Variants in KIAA1217 observed in about 807,000 individuals in gnomAD.
KIAA1217 encodes the protein KIAA1217.
A neutral mutation model predicts 163.9 loss-of-function variants in KIAA1217; 88 were observed. The observed-to-expected ratio is 0.54, with a 90% CI of 0.45 to 0.64. The LOEUF (loss-of-function observed/expected upper bound fraction) is 0.64. Ranked by LOEUF, KIAA1217 falls within the 30% of genes least tolerant of loss-of-function variation. KIAA1217 has a pLI of 0.00. For missense variants in KIAA1217, 2,372 were observed against 2,475.0 expected (o/e 0.96, Z 0.88); for synonymous variants, 903 against 923.1 (o/e 0.98, Z 0.39).
At chr10:23,715,318 C>T (rs1837498045) in intron 1 of KIAA1217, among the ~76,000 whole-genome samples, 1 of 152,080 alleles carries the variant, frequency 6.6e-6, no homozygotes, top group Non-Finnish European at 1.5e-5. Flanking sequence ...TCATTTTTAT[C>T]CCTTTGGTGT....
chr10:24,004,078 C>T lies in KIAA1217; in HGVS notation c.-320-3147C>T, dbSNP rs184520193. On this transcript the variant is annotated intron_variant, in intron 1 of 18. Coordinates refer to the KIAA1217 transcript ENST00000376462. ...CACTGCAAACTCGGCTTCCCGGTTC[C>T]AAGCGATTCTCCTGCCTCAGCCTCC... Among the ~76,000 whole-genome samples the T allele has an allele frequency of 8.8e-3, 1,347 of 152,210 alleles. 26 individuals are homozygous for T. The highest frequency in any genetic ancestry group is 0.03 in the African/African-American group (1,244 of 41,512).
chr10:23,824,358 G>A (rs376530486), intron 1 of KIAA1217, among the ~76,000 whole-genome samples: 2 of 151,634 alleles, frequency 1.3e-5, no homozygotes, highest in African/African-American at 4.8e-5. Flanking sequence ...GGCCGGGCGC[G>A]GTGGCTCACG....
Position 23,755,219 on chromosome 10 carries a change from A to G in KIAA1217, c.-321+59985A>G, listed in dbSNP as rs1209027683. Among the ~76,000 whole-genome samples, 24 of 152,194 alleles carry G rather than the reference A, an allele frequency of 1.6e-4. 1 individual carries two copies. Among genetic ancestry groups the G allele is most frequent in the Admixed American group, 1.6e-3 (24 of 15,282 alleles). ...AAAAGTTTGGAAGAGAAGATAACTTAGATCTTTGGAGCTTATTGAGAGAAA... is the reference window on the plus strand; with the variant it reads ...AAAAGTTTGGAAGAGAAGATAACTTGGATCTTTGGAGCTTATTGAGAGAAA... On this transcript the variant is annotated intron_variant, in intron 1 of 18. Transcript: ENST00000376462.
chr10:24,509,989 G>A (rs939658554), intron 9 of KIAA1217, among the ~76,000 whole-genome samples: 2 of 152,066 alleles, frequency 1.3e-5, no homozygotes, highest in East Asian at 3.9e-4. Context: ...GAAGAGGAAG[G>A]AAATCTACAT....
In KIAA1217 at chr10:24,544,407, C is replaced by T. The variant is rs1250662005; in HGVS notation, c.5137C>T (p.Arg1713Ter). Residue 1713 changes from arginine to a stop codon, truncating the protein, a stop_gained, in exon 19 of 21, where the codon CGA becomes TGA. Transcript: ENST00000376454. LOFTEE classifies it high-confidence loss of function. Reference sequence around the variant, plus strand: ...CCACATAGCCCAAGAGGCCTCTCCCCGACCCTTGCTAGTTCCGGATGAAGG... The same window carrying T: ...CCACATAGCCCAAGAGGCCTCTCCCTGACCCTTGCTAGTTCCGGATGAAGG... ...SSHIAQEASP[R>*]PLLVPDEGPT... The T allele has an allele frequency of 2.5e-6, 4 of 1,614,122 alleles. No individual in the cohort carries two copies. The highest frequency in any genetic ancestry group is 1.3e-5 in the African/African-American group (1 of 75,018).
Position 24,494,579 on chromosome 10 carries a change from A to G in KIAA1217, c.1759A>G (p.Thr587Ala). ...VQSALFKGPI[T>A]SYSKDASSEK... is the part of the protein sequence containing the mutation. ...GTCTGCGCTTTTTAAAGGGCCCATTACAAGTTATAGCAAAGATGCGTCTAG... is the reference window on the plus strand; with the variant it reads ...GTCTGCGCTTTTTAAAGGGCCCATTGCAAGTTATAGCAAAGATGCGTCTAG... The change falls in exon 7 of 21, where the codon ACA becomes GCA. Residue 587 changes from threonine to alanine, a missense_variant. By Grantham distance (58) the Thr-to-Ala change is moderately conservative (BLOSUM62 0). This residue lies in a region of KIAA1217 where 1,431 missense variants were observed against 1,470.3 expected (regional missense o/e 0.97). Coordinates refer to ENST00000376454, the MANE Select transcript of KIAA1217 (RefSeq NM_019590.5). 6.2e-7 allele frequency: 1 copy of G among 1,613,360 alleles called. No individual in the cohort carries two copies. The highest frequency in any genetic ancestry group is 8.5e-7 in the Non-Finnish European group (1 of 1,179,488).
At chr10:23,898,335 A>G (rs1841799214) in intron 1 of KIAA1217, among the ~76,000 whole-genome samples, 1 of 151,642 alleles carries the variant, frequency 6.6e-6, no homozygotes, top group Admixed American at 6.6e-5. Flanking sequence ...ACATATATAT[A>G]ATATATATTT....
chr10:23,703,370 C>T (rs916721963), intron 1 of KIAA1217, among the ~76,000 whole-genome samples: 1 of 152,152 alleles, frequency 6.6e-6, no homozygotes, highest in Admixed American at 6.5e-5. Context: ...TAGCTTTATA[C>T]CATGGCGTCC....
At chr10:24,272,897 A>G (rs964598029) in intron 2 of KIAA1217, among the ~76,000 whole-genome samples, 3 of 152,148 alleles carry the variant, frequency 2.0e-5, no homozygotes, top group African/African-American at 7.2e-5. Flanking sequence ...AAAAGAGCAA[A>G]CGTGGAATAG....
At chr10:23,697,273 G>C (rs1397721150) in intron 1 of KIAA1217, among the ~76,000 whole-genome samples, 3 of 152,166 alleles carry the variant, frequency 2.0e-5, no homozygotes, top group Non-Finnish European at 2.9e-5. Flanking sequence ...AGGATTATAA[G>C]AATTCCTTCA....
chr10:23,914,617 T>C (rs1490861315), intron 1 of KIAA1217, among the ~76,000 whole-genome samples: 3 of 152,072 alleles, frequency 2.0e-5, no homozygotes, highest in African/African-American at 7.2e-5. Flanking sequence ...GGTGGGCTGG[T>C]TCAAAATTTT....
At chr10:24,290,043 C>T (rs992943586) in intron 2 of KIAA1217, among the ~76,000 whole-genome samples, 1 of 152,096 alleles carries the variant, frequency 6.6e-6, no homozygotes, top group African/African-American at 2.4e-5. Context: ...ATACTAAGCT[C>T]CAAGGTATGG....
chr10:23,855,103 C>G (rs1206398864), intron 1 of KIAA1217, among the ~76,000 whole-genome samples: 1 of 152,152 alleles, frequency 6.6e-6, no homozygotes, highest in Admixed American at 6.5e-5. Flanking sequence ...CAGTTTCTTC[C>G]TAGCCTCGAT....
chr10:23,742,586 A>T (rs1839180828), intron 1 of KIAA1217, among the ~76,000 whole-genome samples: 1 of 152,016 alleles, frequency 6.6e-6, no homozygotes, highest in South Asian at 2.1e-4. Context: ...GTGGAGGGGG[A>T]GGTGCCACAC....
At chr10:24,068,133 G>T (rs148206342) in intron 2 of KIAA1217, among the ~76,000 whole-genome samples, 2,934 of 152,268 alleles carry the variant, frequency 0.019, 99 homozygotes, top group African/African-American at 0.067. Flanking sequence ...CATGCATGGT[G>T]CACTGCACCC....
At position 23,868,116 on chromosome 10, in the gene KIAA1217, C is replaced by A. The variant is rs187770667; in HGVS notation, c.-320-139109C>A. Among the ~76,000 whole-genome samples the A allele has an allele frequency of 8.0e-4, 122 of 152,190 alleles. 1 individual carries two copies. The highest frequency in any genetic ancestry group is 2.9e-3 in the African/African-American group (121 of 41,524). On this transcript the variant is annotated intron_variant, in intron 1 of 18. Coordinates refer to the KIAA1217 transcript ENST00000376462. ...GTCTACGGCCATACCACCCTGAATG[C>A]GCCCGATCTCGTCTGATCTCAGGAC...
At chr10:23,840,734 A>G (rs1304012732) in intron 1 of KIAA1217, among the ~76,000 whole-genome samples, 1 of 152,214 alleles carries the variant, frequency 6.6e-6, no homozygotes. Context: ...AAGTTACAGT[A>G]CATTCTCCCG....
chr10:24,494,503 G>A lies in KIAA1217; in HGVS notation c.1683G>A (p.Glu561=). ...AAACAATTCTCTTGTTTTACAGAGA[G>A]AGGATGCAAGCCATGGAGAAACAGA... ...ATIPKDRETR[E]RMQAMEKQIA... is the part of the protein sequence containing the mutation. The change falls in exon 7 of 21, where the codon GAG becomes GAA. Residue 561 remains glutamate, a synonymous_variant. Transcript: ENST00000376454. The A allele has an allele frequency of 6.2e-7, 1 of 1,611,756 alleles. No individual in the cohort carries two copies. Among genetic ancestry groups the A allele is most frequent in the Non-Finnish European group, 8.5e-7 (1 of 1,178,700 alleles).
intron 1 of KIAA1217, among the ~76,000 whole-genome samples, chr10:23,935,620 C>A (rs1265959348): frequency 6.6e-6 from 1 of 152,048 alleles, no homozygotes; most frequent in Non-Finnish European, 1.5e-5. Flanking sequence ...GGAAGTGAGA[C>A]TTCAGAGACA....
Sources: gnomAD v4.1 joint callset for allele counts (sites outside exome capture counted in the v4.1 genomes callset) on GRCh38, gnomAD v4.1.1 for gene constraint, gnomAD v4.1.1 regional missense constraint, MANE v1.5 for transcripts, NCBI Gene and HGNC (gene_info 2026-07-23, HGNC 2026-07-21) for gene names.